The following SPOCK1 variants were observed in gnomAD, a reference collection of about 807,000 sequenced individuals.
SPOCK1 encodes the protein SPARC (osteonectin), cwcv and kazal like domains proteoglycan 1, also known as testican-1.
In SPOCK1, 23 loss-of-function variants were observed where a neutral mutation model predicts 55.3. The observed-to-expected ratio is 0.42, with a 90% CI of 0.30 to 0.59. SPOCK1 has a LOEUF of 0.59. Ranked by LOEUF, SPOCK1 falls within the 20% of genes least tolerant of loss-of-function variation. SPOCK1 has a pLI of 0.22. For missense variants in SPOCK1, 499 were observed against 552.5 expected, an observed-to-expected ratio of 0.90 and a Z score of 0.97; for synonymous variants, 226 against 221.0, an observed-to-expected ratio of 1.02 and a Z score of -0.20.
intron 2 of SPOCK1, among the ~76,000 whole-genome samples, chr5:137,461,930 C>A (rs1753497630): frequency 6.6e-6 from 1 of 152,186 alleles, no homozygotes; most frequent in African/African-American, 2.4e-5. Flanking sequence ...CCCCATGAAG[C>A]CAGTGTTAAC....
intron 2 of SPOCK1, among the ~76,000 whole-genome samples, chr5:137,269,236 C>T (rs1316419597): frequency 6.6e-6 from 1 of 152,202 alleles, no homozygotes; most frequent in Non-Finnish European, 1.5e-5. Flanking sequence ...AGTGAAAACT[C>T]ATTATGCAAA....
At chr5:137,260,811 A>G (rs998175533) in intron 3 of SPOCK1, among the ~76,000 whole-genome samples, 3 of 152,188 alleles carry the variant, frequency 2.0e-5, no homozygotes, top group Non-Finnish European at 4.4e-5. Flanking sequence ...CTTTTTTTAA[A>G]TAGGACTATC....
intron 2 of SPOCK1, among the ~76,000 whole-genome samples, chr5:137,420,861 C>T (rs940255222): frequency 1.3e-5 from 2 of 152,128 alleles, no homozygotes; most frequent in African/African-American, 4.8e-5. Context: ...TTTGTTCTTG[C>T]TTCTCTAGTT....
chr5:137,073,282 A>C (rs1442969049), intron 5 of SPOCK1, among the ~76,000 whole-genome samples: 1 of 152,222 alleles, frequency 6.6e-6, no homozygotes, highest in African/African-American at 2.4e-5. Flanking sequence ...AAGAGAGAGA[A>C]AGAGACAGAG....
intron 2 of SPOCK1, among the ~76,000 whole-genome samples, chr5:137,410,200 G>A (rs1209633078): frequency 6.6e-6 from 1 of 152,116 alleles, no homozygotes; most frequent in Admixed American, 6.6e-5. Context: ...GCATTCACAG[G>A]CACTTAATCA....
chr5:137,009,857 C>T (rs973358805), intron 6 of SPOCK1, among the ~76,000 whole-genome samples: 1 of 151,988 alleles, frequency 6.6e-6, no homozygotes, highest in Non-Finnish European at 1.5e-5. Context: ...AGACATAGCC[C>T]TTGCCTGGTG....
intron 2 of SPOCK1, among the ~76,000 whole-genome samples, chr5:137,327,869 A>G (rs1758106013): frequency 6.6e-6 from 1 of 152,232 alleles, no homozygotes; most frequent in Non-Finnish European, 1.5e-5. Context: ...AACATGGGAA[A>G]TAATCCAGAT....
intron 2 of SPOCK1, among the ~76,000 whole-genome samples, chr5:137,412,009 T>G (rs943240045): frequency 6.6e-6 from 1 of 152,206 alleles, no homozygotes; most frequent in African/African-American, 2.4e-5. Flanking sequence ...AGAGACACTC[T>G]AGGACTCTGA....
intron 6 of SPOCK1, among the ~76,000 whole-genome samples, chr5:137,019,175 G>A (rs1751512627): frequency 1.3e-5 from 2 of 152,116 alleles, no homozygotes; most frequent in Non-Finnish European, 1.5e-5. Context: ...TTGATTATGG[G>A]AAATTTACAA....
chr5:137,107,101 C>T (rs1753385711), intron 5 of SPOCK1, among the ~76,000 whole-genome samples: 1 of 152,176 alleles, frequency 6.6e-6, no homozygotes, highest in East Asian at 1.9e-4. Flanking sequence ...GCTCTGTGTT[C>T]CTGCAGCTTC....
At chr5:137,307,677 T>C (rs1036116454) in intron 2 of SPOCK1, among the ~76,000 whole-genome samples, 3 of 152,228 alleles carry the variant, frequency 2.0e-5, no homozygotes, top group Admixed American at 6.5e-5. Context: ...TGGTGACCAC[T>C]TCGGTGACTT....
rs1049027518 is a variant in SPOCK1 at position 137,074,829 on chromosome 5, C to T, written c.475-7000G>A. Among the ~76,000 whole-genome samples, 10 of 152,202 alleles carry T rather than the reference C, an allele frequency of 6.6e-5. No homozygotes were observed. In the South Asian group the frequency reaches 1.9e-3, roughly 28 times the overall value. On this transcript the variant is annotated intron_variant, in intron 5 of 10. Transcript: ENST00000394945. ...AGGCCATTCTCCTTTCTCAGCCTCC[C>T]GAGTAGCTGGGACTACAGGCACCCG...
intron 6 of SPOCK1, among the ~76,000 whole-genome samples, chr5:137,056,878 G>A (rs566956690): frequency 7.9e-5 from 12 of 152,078 alleles, no homozygotes; most frequent in African/African-American, 2.7e-4. Flanking sequence ...CCCCACCACC[G>A]ACTGCTATGC....
intron 2 of SPOCK1, among the ~76,000 whole-genome samples, chr5:137,382,310 T>A (rs963610846): frequency 6.6e-6 from 1 of 152,204 alleles, no homozygotes; most frequent in Non-Finnish European, 1.5e-5. Context: ...CTTTCCCACA[T>A]CTTTCTGTCT....
intron 5 of SPOCK1, among the ~76,000 whole-genome samples, chr5:137,087,918 A>G (rs1391358755): frequency 6.6e-6 from 1 of 152,236 alleles, no homozygotes; most frequent in Admixed American, 6.5e-5. Flanking sequence ...TCTGCAACAA[A>G]GAGCTGACGA....
intron 3 of SPOCK1, among the ~76,000 whole-genome samples, chr5:137,260,665 A>G (rs1422822922): frequency 6.6e-6 from 1 of 152,246 alleles, no homozygotes; most frequent in Non-Finnish European, 1.5e-5. Flanking sequence ...AAGACAAAAG[A>G]GAAAACATTC....
intron 3 of SPOCK1, among the ~76,000 whole-genome samples, chr5:137,209,189 A>G (rs1465959176): frequency 6.6e-6 from 1 of 152,244 alleles, no homozygotes; most frequent in East Asian, 1.9e-4. Context: ...ATGTGGCAGC[A>G]ACAATCTTTC....
At chr5:137,261,088 A>C (rs1051984543) in intron 3 of SPOCK1, among the ~76,000 whole-genome samples, 1 of 152,204 alleles carries the variant, frequency 6.6e-6, no homozygotes, top group Non-Finnish European at 1.5e-5. Context: ...CCACAGCTCC[A>C]GGGATCAGAT....
chr5:137,405,473 G>A lies in SPOCK1; in HGVS notation c.186+92900C>T, dbSNP rs558930892. On this transcript the variant is annotated intron_variant, in intron 2 of 10. Coordinates refer to ENST00000394945, the MANE Select transcript of SPOCK1 (RefSeq NM_004598.4). ...TCCTATTTTCCAGTCAGAAACGAGGGTCCTCCTGCGGGTAGCCCAGGGCTG... is the reference window on the plus strand; with the variant it reads ...TCCTATTTTCCAGTCAGAAACGAGGATCCTCCTGCGGGTAGCCCAGGGCTG... 2.0e-5 allele frequency among the ~76,000 whole-genome samples: 3 copies of A among 152,120 alleles called. No individual in the cohort carries two copies. The East Asian group carries it at 5.8e-4, about 29-fold the overall frequency.
Sources: gnomAD v4.1 joint callset for allele counts (sites outside exome capture counted in the v4.1 genomes callset) on GRCh38, gnomAD v4.1.1 for gene constraint, MANE v1.5 for transcripts, NCBI Gene and HGNC (gene_info 2026-07-23, HGNC 2026-07-21) for gene names.